The following TIAM1 variants were observed in gnomAD, a reference collection of about 807,000 sequenced individuals.
TIAM1 encodes the protein TIAM Rac1 associated GEF 1.
Under a neutral mutation model 163.5 loss-of-function variants are expected in TIAM1, and 65 were observed. The observed-to-expected ratio is 0.40, with a 90% CI of 0.33 to 0.49. The LOEUF is 0.49. Among genes scored for constraint, TIAM1 ranks in the 20% least tolerant of loss-of-function variants. TIAM1 has a pLI of 0.77. For missense variants in TIAM1, 1,789 were observed against 2,044.7 expected, an observed-to-expected ratio of 0.87 and a Z score of 2.41; for synonymous variants, 833 against 810.1, an observed-to-expected ratio of 1.03 and a Z score of -0.48.
intron 2 of TIAM1, among the ~76,000 whole-genome samples, chr21:31,352,485 C>G (rs1463455338): frequency 6.7e-6 from 1 of 148,726 alleles, no homozygotes; most frequent in Admixed American, 6.8e-5. Context: ...CTTACCACAA[C>G]TTTTAAAAAA....
At chr21:31,289,579 A>G (rs2073936935) in intron 2 of TIAM1, among the ~76,000 whole-genome samples, 1 of 152,214 alleles carries the variant, frequency 6.6e-6, no homozygotes, top group African/African-American at 2.4e-5. Flanking sequence ...TGGCTGTACA[A>G]CAATTACTGT....
intron 2 of TIAM1, among the ~76,000 whole-genome samples, chr21:31,335,705 C>CAAA (rs142300088): frequency 3.5e-5 from 5 of 143,812 alleles, no homozygotes; most frequent in Non-Finnish European, 3.0e-5. Flanking sequence ...ACTCTGTCTC[C>CAAA]AAAAAAAAAG....
rs1483220345 is a variant in TIAM1, at chr21:31,452,392, T to C, written c.-369+11591A>G. 1.9e-5 allele frequency: 5 copies of C among 256,932 alleles called. No homozygotes were observed. In the Admixed American group the frequency reaches 2.7e-4, roughly 14 times the overall value. The allele number at this position is 256,932 out of a possible 1,614,324, so 15.9% of individuals were successfully genotyped here. A position where few individuals can be genotyped will look rare whatever the true frequency, so the allele number is the denominator to read the frequency against. Reference sequence around the variant, plus strand: ...AGGCAGAGATTGCAGTGAGCCAAGATCGCACTCCGGCCTGGGCCACAGAGC... The same window carrying C: ...AGGCAGAGATTGCAGTGAGCCAAGACCGCACTCCGGCCTGGGCCACAGAGC... On this transcript the variant is annotated intron_variant, in intron 2 of 28. Coordinates refer to the TIAM1 transcript ENST00000286827.
At chr21:31,196,165 G>A (rs1431586007) in intron 12 of TIAM1, among the ~76,000 whole-genome samples, 4 of 152,072 alleles carry the variant, frequency 2.6e-5, no homozygotes, top group Non-Finnish European at 5.9e-5. Context: ...ATGAAAAAAT[G>A]TACACATCGC....
chr21:31,499,679 A>T (rs1039651767), intron 1 of TIAM1, among the ~76,000 whole-genome samples: 18 of 151,436 alleles, frequency 1.2e-4, no homozygotes, highest in African/African-American at 4.1e-4. Context: ...GTGAAACCCC[A>T]TCTCTACTAA....
intron 6 of TIAM1, among the ~76,000 whole-genome samples, chr21:31,242,259 C>G (rs1184893117): frequency 8.5e-5 from 13 of 152,130 alleles, no homozygotes; most frequent in Non-Finnish European, 2.9e-5. Flanking sequence ...GTGGCTCATG[C>G]CTGTAATCCC....
chr21:31,192,070 C>T (rs1481990078), intron 13 of TIAM1, among the ~76,000 whole-genome samples: 1 of 152,202 alleles, frequency 6.6e-6, no homozygotes, highest in African/African-American at 2.4e-5. Flanking sequence ...ATAAGCCGCT[C>T]ATAAACATTT....
rs1216621077 is a variant in TIAM1 at position 31,266,537 on chromosome 21, C to T, written c.436G>A (p.Gly146Ser). ...GDDATYLAEG[G>S]RRQHSYTSNG... Reference sequence around the variant, plus strand: ...GATGTATAGGAATGCTGCCTCCTGCCTCCCTCAGCCAAATATGTAGCGTCA... The same window carrying T: ...GATGTATAGGAATGCTGCCTCCTGCTTCCCTCAGCCAAATATGTAGCGTCA... The change falls in exon 4 of 28, where the codon GGC (glycine) becomes AGC (serine). Residue 146 changes from glycine to serine, a missense_variant. Coordinates refer to ENST00000541036, the MANE Select transcript of TIAM1 (RefSeq NM_001353694.2). The T allele has an allele frequency of 1.2e-6, 2 of 1,614,220 alleles. No individual in the cohort carries two copies. Among genetic ancestry groups the T allele is most frequent in the Admixed American group, 1.7e-5 (1 of 60,026 alleles).
chr21:31,353,966 T>C (rs1232427281), intron 2 of TIAM1, among the ~76,000 whole-genome samples: 1 of 148,876 alleles, frequency 6.7e-6, no homozygotes, highest in Non-Finnish European at 1.5e-5. Flanking sequence ...GACTCCCAAG[T>C]AGCTGGAATT....
intron 2 of TIAM1, among the ~76,000 whole-genome samples, chr21:31,427,652 T>A (rs777076623): frequency 2.0e-5 from 3 of 151,720 alleles, no homozygotes; most frequent in African/African-American, 4.9e-5. Context: ...CGAGACCTCA[T>A]ATCTATGAAA....
intron 13 of TIAM1, among the ~76,000 whole-genome samples, chr21:31,187,305 A>T (rs75946588): frequency 0.017 from 2,588 of 152,346 alleles, 22 homozygotes; most frequent in Middle Eastern, 0.054. Flanking sequence ...GTCTATCTTC[A>T]TATTACCTAC....
At chr21:31,292,309 A>G in intron 2 of TIAM1, among the ~76,000 whole-genome samples, 1 of 151,318 alleles carries the variant, frequency 6.6e-6, no homozygotes, top group East Asian at 1.9e-4. Context: ...AGTATCTTCT[A>G]CATCTTGTCT....
intron 15 of TIAM1, among the ~76,000 whole-genome samples, chr21:31,175,021 C>T: frequency 6.6e-6 from 1 of 152,196 alleles, no homozygotes; most frequent in Non-Finnish European, 1.5e-5. Flanking sequence ...AGGATCTCTG[C>T]AGCCTCAACC....
chr21:31,320,300 G>T (rs1378844025), intron 2 of TIAM1, among the ~76,000 whole-genome samples: 2 of 152,136 alleles, frequency 1.3e-5, no homozygotes, highest in South Asian at 2.1e-4. Flanking sequence ...GGGGCAGGGA[G>T]GTGGAGGATG....
chr21:31,425,614 A>T (rs1276555228), intron 2 of TIAM1, among the ~76,000 whole-genome samples: 2 of 129,984 alleles, frequency 1.5e-5, no homozygotes. Flanking sequence ...TTTTATTTCA[A>T]TTCCCTCCCT....
At chr21:31,362,747 A>G (rs547011761) in intron 2 of TIAM1, among the ~76,000 whole-genome samples, 77 of 152,194 alleles carry the variant, frequency 5.1e-4, no homozygotes, top group African/African-American at 1.7e-3. Flanking sequence ...TATTACAGGC[A>G]TGAGCCACTG....
chr21:31,367,881 T>G lies in TIAM1; in HGVS notation c.-368-28459A>C, dbSNP rs115458673. ...TAACTTGGAATCACGTAATCAATAT[T>G]ACTTTACTGAGTGTTTATCTTCCCT... On this transcript the variant is annotated intron_variant, in intron 2 of 28. Coordinates refer to the TIAM1 transcript ENST00000286827. Among the ~76,000 whole-genome samples the G allele has an allele frequency of 5.8e-3, 880 of 152,328 alleles. 15 individuals are homozygous for G. Among genetic ancestry groups the G allele is most frequent in the African/African-American group, 0.02 (840 of 41,556 alleles).
chr21:31,493,270 T>C lies in TIAM1; in HGVS notation c.-421-29235A>G, dbSNP rs556897195. 6.7e-4 allele frequency among the ~76,000 whole-genome samples: 102 copies of C among 152,314 alleles called. 1 individual carries two copies. The highest frequency in any genetic ancestry group is 2.3e-3 in the African/African-American group (94 of 41,560). On this transcript the variant is annotated intron_variant, in intron 1 of 28. Coordinates refer to the TIAM1 transcript ENST00000286827. ...ATGAATTTTACCTTCTAAGAATGCA[T>C]AATCTAATTAGGAGCAGGGAGGAGT...
intron 13 of TIAM1, among the ~76,000 whole-genome samples, chr21:31,193,966 G>A (rs893349805): frequency 3.3e-5 from 5 of 152,140 alleles, no homozygotes; most frequent in African/African-American, 4.8e-5. Context: ...GCTTCCATGC[G>A]TGCTGTGTAG....
Sources: gnomAD v4.1 joint callset for allele counts (sites outside exome capture counted in the v4.1 genomes callset) on GRCh38, gnomAD v4.1.1 for gene constraint, MANE v1.5 for transcripts, NCBI Gene and HGNC (gene_info 2026-07-23, HGNC 2026-07-21) for gene names.